USH2A: variants seen among roughly 807,000 people sequenced by gnomAD.
USH2A encodes usherin, also known as Usher syndrome 2A (autosomal recessive, mild).
A neutral mutation model predicts 538.9 loss-of-function variants in USH2A; 443 were observed. That is an observed-to-expected ratio of 0.82 (90% CI 0.76 to 0.89). USH2A has a LOEUF of 0.89. USH2A is among the 40% of genes least tolerant of loss of function. The pLI is 0.00. For missense variants in USH2A, 6,633 were observed against 6,324.8 expected (o/e 1.05, Z -1.65); for synonymous variants, 2,413 against 2,273.5 (o/e 1.06, Z -1.75).
intron 37 of USH2A, among the ~76,000 whole-genome samples, chr1:215,951,163 T>C (rs530090424): frequency 6.6e-6 from 1 of 152,222 alleles, no homozygotes; most frequent in East Asian, 1.9e-4. Flanking sequence ...CAATTTTAGA[T>C]CTTTCCTGCT....
intron 32 of USH2A, among the ~76,000 whole-genome samples, chr1:216,027,859 T>G (rs542572676): frequency 6.6e-6 from 1 of 152,346 alleles, no homozygotes; most frequent in African/African-American, 2.4e-5. Context: ...AACCACTGAA[T>G]ATAGTTAATA....
At chr1:215,684,258 T>C (rs530707171) in intron 61 of USH2A, among the ~76,000 whole-genome samples, 9 of 152,316 alleles carry the variant, frequency 5.9e-5, no homozygotes, top group African/African-American at 1.9e-4. Flanking sequence ...CCTGGGGACA[T>C]ATGCAACTAC....
At chr1:216,143,776 T>C (rs1038730405) in intron 21 of USH2A, among the ~76,000 whole-genome samples, 3 of 152,220 alleles carry the variant, frequency 2.0e-5, no homozygotes, top group Non-Finnish European at 4.4e-5. Context: ...ATGTGATAGA[T>C]GACCTTATGG....
intron 4 of USH2A, among the ~76,000 whole-genome samples, chr1:216,340,349 A>G (rs1235698911): frequency 2.0e-5 from 3 of 152,214 alleles, no homozygotes; most frequent in African/African-American, 7.2e-5. Context: ...GCAGTAATTA[A>G]TAGCCTACCA....
rs139586999 is a variant in USH2A at position 216,028,398 on chromosome 1, GAATA to G, written c.6325+18029_6325+18032del. 1.5e-3 allele frequency among the ~76,000 whole-genome samples: 225 copies of G among 150,480 alleles called. 2 individuals carry two copies. Among genetic ancestry groups the G allele is most frequent in the African/African-American group, 5.2e-3 (211 of 40,828 alleles). The stretch of plus-strand genomic sequence containing the variant: ...TGAGACCCTGTCTCAATAAATAAAT[GAATA>G]AATAAATAAATAAATAAATAAAAAT... On this transcript the variant is annotated intron_variant, in intron 32 of 71. Coordinates refer to ENST00000307340, the MANE Select transcript of USH2A (RefSeq NM_206933.4).
At chr1:216,349,795 GGA>G (rs1380147752) in intron 4 of USH2A, among the ~76,000 whole-genome samples, 1 of 152,124 alleles carries the variant, frequency 6.6e-6, no homozygotes, top group East Asian at 1.9e-4. Flanking sequence ...CTCTGCCTAT[GGA>G]GTAGCCATTT....
intron 21 of USH2A, among the ~76,000 whole-genome samples, chr1:216,151,516 G>A (rs1018898667): frequency 5.3e-5 from 8 of 152,042 alleles, no homozygotes; most frequent in African/African-American, 9.7e-5. Flanking sequence ...GATTGCTCTC[G>A]GTACTGGAAT....
At position 215,888,781 on chromosome 1, in the gene USH2A, G is replaced by C. The variant is rs1008807847; in HGVS notation, c.7868C>G (p.Ala2623Gly). 1.3e-5 allele frequency: 21 copies of C among 1,613,968 alleles called. No individual in the cohort carries two copies. Among genetic ancestry groups the C allele is most frequent in the African/African-American group, 4.0e-5 (3 of 74,900 alleles). ...ESQTVWTLPG[A>G]PEGIPSPELF... ...CTCTGGACTTGGGATCCCTTCCGGT[G>C]CCCCTGGGAGTGTCCATACAGTCTG... The change falls in exon 41 of 72, where the codon GCA (alanine) becomes GGA (glycine). Residue 2623 changes from alanine to glycine, a missense_variant. Transcript: ENST00000307340.
At chr1:215,897,242 T>C (rs1357017492) in intron 40 of USH2A, among the ~76,000 whole-genome samples, 2 of 152,164 alleles carry the variant, frequency 1.3e-5, no homozygotes, top group African/African-American at 4.8e-5. Context: ...ACTAAAAATA[T>C]TGCCATTGGT....
chr1:216,231,259 A>AAT (rs1373443893), intron 14 of USH2A, among the ~76,000 whole-genome samples: 11 of 98,104 alleles, frequency 1.1e-4, no homozygotes, highest in Non-Finnish European at 2.1e-4. Context: ...TTATATATAT[A>AAT]ATATATATAT....
At position 215,767,095 on chromosome 1, in the gene USH2A, A is replaced by G. The variant is rs139902578; in HGVS notation, c.10940-307T>C. On this transcript the variant is annotated intron_variant, in intron 55 of 71. Coordinates refer to ENST00000307340, the MANE Select transcript of USH2A (RefSeq NM_206933.4). ...AAAAGGCTGTCCTGCCTATCGGATC[A>G]GAGCACTCCGTCTCTCAAAGAGCCC... Among the ~76,000 whole-genome samples, 193 of 152,338 alleles carry G rather than the reference A, an allele frequency of 1.3e-3. 1 individual carries two copies. The highest frequency in any genetic ancestry group is 4.4e-3 in the African/African-American group (185 of 41,580).
chr1:215,641,814 G>A (rs189313169), intron 67 of USH2A, among the ~76,000 whole-genome samples: 9 of 152,166 alleles, frequency 5.9e-5, no homozygotes, highest in African/African-American at 1.4e-4. Flanking sequence ...ATATTCAACC[G>A]TAAAGACACA....
chr1:215,901,133 G>A, intron 38 of USH2A: 1 of 562,594 alleles, frequency 1.8e-6, no homozygotes, highest in Non-Finnish European at 3.2e-6. Context: ...CCCCCAAACA[G>A]CAAGACAAAT....
chr1:216,336,582 T>C (rs1459665429), intron 4 of USH2A, among the ~76,000 whole-genome samples: 1 of 151,522 alleles, frequency 6.6e-6, no homozygotes, highest in Non-Finnish European at 1.5e-5. Flanking sequence ...ACCTACTGCA[T>C]TTCAGTAGCA....
At chr1:216,107,881 A>T (rs1026015293) in intron 21 of USH2A, among the ~76,000 whole-genome samples, 1 of 151,746 alleles carries the variant, frequency 6.6e-6, no homozygotes, top group Non-Finnish European at 1.5e-5. Flanking sequence ...TTAACATTAT[A>T]CTACTTCACA....
intron 3 of USH2A, among the ~76,000 whole-genome samples, chr1:216,386,949 C>A (rs2039019370): frequency 6.6e-6 from 1 of 152,230 alleles, no homozygotes; most frequent in Non-Finnish European, 1.5e-5. Flanking sequence ...CACCATTTAG[C>A]TTCTCAAACT....
intron 21 of USH2A, among the ~76,000 whole-genome samples, chr1:216,116,558 C>T (rs2033013130): frequency 6.6e-6 from 1 of 152,054 alleles, no homozygotes; most frequent in Non-Finnish European, 1.5e-5. Flanking sequence ...GGATCCCAAG[C>T]AATTGGACCA....
rs184881504 is a variant in USH2A at position 216,415,586 on chromosome 1, G to A, written c.651+2928C>T. Among the ~76,000 whole-genome samples, 486 of 145,288 alleles carry A rather than the reference G, an allele frequency of 3.3e-3. 2 individuals carry two copies. Among genetic ancestry groups the A allele is most frequent in the African/African-American group, 0.012 (475 of 38,932 alleles). On this transcript the variant is annotated intron_variant, in intron 3 of 71. Transcript: ENST00000307340. Reference sequence around the variant, plus strand: ...GCTGGAATGCAGTGGCATGATCATGGGTCACTGAAGCCTTGACTTCCAGGC... The same window carrying A: ...GCTGGAATGCAGTGGCATGATCATGAGTCACTGAAGCCTTGACTTCCAGGC...
chr1:215,743,734 C>T (rs1474985826), intron 58 of USH2A, among the ~76,000 whole-genome samples: 4 of 150,052 alleles, frequency 2.7e-5, no homozygotes, highest in South Asian at 2.1e-4. Flanking sequence ...GCAGGAGAAT[C>T]GCTTGAACCC....
Sources: gnomAD v4.1 joint callset for allele counts (sites outside exome capture counted in the v4.1 genomes callset) on GRCh38, gnomAD v4.1.1 for gene constraint, MANE v1.5 for transcripts, NCBI Gene and HGNC (gene_info 2026-07-23, HGNC 2026-07-21) for gene names.